The following RASGRF1 variants were observed in gnomAD, a reference collection of about 807,000 sequenced individuals.
RASGRF1 encodes the protein Ras protein specific guanine nucleotide releasing factor 1.
A neutral mutation model predicts 138.7 loss-of-function variants in RASGRF1; 40 were observed. The observed-to-expected ratio is 0.29, with a 90% CI of 0.22 to 0.38. RASGRF1 has a LOEUF of 0.38. Among genes scored for constraint, RASGRF1 ranks in the 10% least tolerant of loss-of-function variants. The pLI, the probability that RASGRF1 is intolerant of heterozygous loss-of-function variation, is 1.00. For missense variants in RASGRF1, 1,108 were observed against 1,650.4 expected (o/e 0.67, Z 5.69); for synonymous variants, 614 against 663.2 (o/e 0.93, Z 1.14).
intron 23 of RASGRF1, among the ~76,000 whole-genome samples, chr15:78,984,029 T>C (rs2056094312): frequency 6.6e-6 from 1 of 152,130 alleles, no homozygotes. Context: ...GGGAGGATTA[T>C]GGACATGTCG....
intron 9 of RASGRF1, among the ~76,000 whole-genome samples, chr15:79,025,707 G>A (rs1240771609): frequency 6.6e-6 from 1 of 152,118 alleles, no homozygotes; most frequent in Non-Finnish European, 1.5e-5. Flanking sequence ...TCCCAGCCAG[G>A]GGCTAGGGGC....
Position 78,977,397 on chromosome 15 carries a change from G to A in RASGRF1, c.3494+3223C>T, listed in dbSNP as rs573327692. 2.6e-5 allele frequency among the ~76,000 whole-genome samples: 4 copies of A among 152,230 alleles called. No homozygotes were observed. The East Asian group carries it at 7.7e-4, about 29-fold the overall frequency. ...CCAGGGTCCAAGGTTCTGGCACGAG[G>A]TACAGGGTGATCAGGTAAGTAGTCT... On this transcript the variant is annotated intron_variant, in intron 24 of 26. Transcript: ENST00000558480.
rs1307806870 is a variant in RASGRF1, at chr15:79,020,192, T to C, written c.1543-88A>G. The C allele has an allele frequency of 2.4e-6, 3 of 1,230,274 alleles. No individual in the cohort carries two copies. In the Admixed American group the frequency reaches 5.2e-5, roughly 21 times the overall value. 76.2% of individuals were successfully genotyped at this position (1,230,274 alleles called of 1,614,324 possible). A position where few individuals can be genotyped will look rare whatever the true frequency, so the allele number is the denominator to read the frequency against. On this transcript the variant is annotated intron_variant, in intron 10 of 26. Coordinates refer to ENST00000558480, the MANE Select transcript of RASGRF1 (RefSeq NM_001145648.3). The stretch of plus-strand genomic sequence containing the variant: ...TGGATGATAGGGTTGGAGGGGACTT[T>C]AACAAGGAGCATCCATGTATACACA...
At chr15:79,035,446 C>T (rs1040102847) in intron 5 of RASGRF1, among the ~76,000 whole-genome samples, 4 of 152,256 alleles carry the variant, frequency 2.6e-5, no homozygotes, top group African/African-American at 9.6e-5. Context: ...GGTGACAGCA[C>T]AGCATTAAAT....
chr15:79,061,413 A>AAAATATATATATATATATATAT (rs145875273), intron 2 of RASGRF1, among the ~76,000 whole-genome samples: 2 of 117,060 alleles, frequency 1.7e-5, no homozygotes, highest in African/African-American at 3.5e-5. Flanking sequence ...CTATCTTTAA[A>AAAATATATATATATATATATAT]ATATATATAT....
chr15:79,004,188 C>T lies in RASGRF1; in HGVS notation c.2076-13G>A, dbSNP rs770393348. On this transcript the variant is annotated splice_polypyrimidine_tract_variant and intron_variant, in intron 14 of 26. Transcript: ENST00000558480. ...GAGCTCCAGCGACCTGTGGGGAGGG[C>T]GGGGGTGAAAATGACAGTTAGCGTA... The T allele has an allele frequency of 1.4e-5, 21 of 1,548,116 alleles. No individual in the cohort carries two copies. Among genetic ancestry groups the T allele is most frequent in the East Asian group, 4.5e-5 (2 of 44,130 alleles).
In RASGRF1 at chr15:78,978,518, C is replaced by T. The variant is rs1040733587; in HGVS notation, c.3494+2102G>A. 4.1e-6 allele frequency: 4 copies of T among 985,074 alleles called. No individual in the cohort carries two copies. The African/African-American group carries it at 5.2e-5, about 13-fold the overall frequency. 61.0% of individuals were successfully genotyped at this position (985,074 alleles called of 1,614,324 possible). On this transcript the variant is annotated intron_variant, in intron 24 of 26. Transcript: ENST00000558480. Reference sequence around the variant, plus strand: ...GGGATTATAGGCATGAGCCACTGTGCCTAGCCCGAATTGGATATCTTAATG... The same window carrying T: ...GGGATTATAGGCATGAGCCACTGTGTCTAGCCCGAATTGGATATCTTAATG...
Position 78,999,723 on chromosome 15 carries a change from G to A in RASGRF1, c.2746+20C>T. The A allele has an allele frequency of 2.5e-6, 4 of 1,609,760 alleles. No homozygotes were observed. The highest frequency in any genetic ancestry group is 3.4e-6 in the Non-Finnish European group (4 of 1,177,338). Reference sequence around the variant, plus strand: ...GCTGACCATGGGGAGGACCCTGTGAGTGGAGAACACCCCACATACCTGCAC... The same window carrying A: ...GCTGACCATGGGGAGGACCCTGTGAATGGAGAACACCCCACATACCTGCAC... On this transcript the variant is annotated intron_variant, in intron 17 of 26. Coordinates refer to ENST00000558480, the MANE Select transcript of RASGRF1 (RefSeq NM_001145648.3).
intron 3 of RASGRF1, among the ~76,000 whole-genome samples, chr15:79,054,984 T>C (rs2057491054): frequency 6.6e-6 from 1 of 151,826 alleles, no homozygotes; most frequent in East Asian, 1.9e-4. Context: ...ACTATGAGAG[T>C]GTAGGGCCAT....
chr15:78,992,037 T>C (rs7172300), intron 20 of RASGRF1, among the ~76,000 whole-genome samples: 152,028 of 152,278 alleles, frequency 1, 75,889 homozygotes, highest in Middle Eastern at 1. Context: ...GTGCTCGGAC[T>C]GCCCTCACCC....
Position 79,013,837 on chromosome 15 carries a change from T to C in RASGRF1, c.1826+1490A>G, listed in dbSNP as rs561021498. ...GAGCTGCGTTTAGTAGGACATTGTC[T>C]CTGGGGATTGTTCAAACAAACACAG... On this transcript the variant is annotated intron_variant, in intron 13 of 26. Transcript: ENST00000558480. 4.0e-3 allele frequency among the ~76,000 whole-genome samples: 612 copies of C among 152,318 alleles called. 2 individuals are homozygous for C. The highest frequency in any genetic ancestry group is 4.1e-3 in the South Asian group (20 of 4,824).
Position 79,004,971 on chromosome 15 carries a change from C to G in RASGRF1, c.2076-796G>C, listed in dbSNP as rs2056638271. 1.8e-5 allele frequency: 18 copies of G among 985,428 alleles called. No homozygotes were observed. In the South Asian group the frequency reaches 7.0e-4, roughly 39 times the overall value. The allele number at this position is 985,428 out of a possible 1,614,324, so 61.0% of individuals were successfully genotyped here. A position where few individuals can be genotyped will look rare whatever the true frequency, so the allele number is the denominator to read the frequency against. ...TCAGCCAAGGCCATAGGGCTGAGAG[C>G]TGGCTCTGAACCAGCCTCTTTGTTC... is the stretch of plus-strand genomic sequence containing the variant. On this transcript the variant is annotated intron_variant, in intron 14 of 26. Transcript: ENST00000558480.
chr15:79,058,333 C>T lies in RASGRF1; in HGVS notation c.531+1G>A. ...GGGCCCACCCCCCAGCCCGCAGTCA[C>T]CTCTGCCTTCAGCCGCTCGATCTCG... On this transcript the variant is annotated splice_donor_variant, in intron 3 of 26. Transcript: ENST00000558480. LOFTEE classifies it high-confidence loss of function. 1 of 1,612,850 alleles carries T rather than the reference C, an allele frequency of 6.2e-7. No individual in the cohort carries two copies. Among genetic ancestry groups the T allele is most frequent in the Non-Finnish European group, 8.5e-7 (1 of 1,179,898 alleles).
chr15:79,006,531 C>G lies in RASGRF1; in HGVS notation c.1827-97G>C. On this transcript the variant is annotated intron_variant, in intron 13 of 26. Coordinates refer to ENST00000558480, the MANE Select transcript of RASGRF1 (RefSeq NM_001145648.3). This position sits in a 1 kb window ranked among gnomAD's most constrained non-coding sequence, Gnocchi z 4.0. ...CATCACTGCTTCCCCCACACACTGA[C>G]AACACAGGATGGTCTTATTAAGAGA... is the stretch of plus-strand genomic sequence containing the variant. 7.1e-7 allele frequency: 1 copy of G among 1,416,478 alleles called. No homozygotes were observed. Among genetic ancestry groups the G allele is most frequent in the Non-Finnish European group, 9.6e-7 (1 of 1,042,232 alleles). The allele number at this position is 1,416,478 out of a possible 1,614,324, so 87.7% of individuals were successfully genotyped here. A position where few individuals can be genotyped will look rare whatever the true frequency, so the allele number is the denominator to read the frequency against.
At chr15:79,066,589 C>G (rs2057684082) in intron 1 of RASGRF1, among the ~76,000 whole-genome samples, 2 of 152,236 alleles carry the variant, frequency 1.3e-5, no homozygotes, top group South Asian at 4.1e-4. Flanking sequence ...CCAGGGGACT[C>G]AGAGCTGCAT....
rs1196501736 is a variant in RASGRF1, at chr15:79,031,612, G to A, written c.1153-103C>T. ...GGAGTGAGCAAGAGAGAGAGAGAAA[G>A]AGGGAGAGGGAGAGGGAGAGGAAGG... On this transcript the variant is annotated intron_variant, in intron 7 of 26. Coordinates refer to ENST00000558480, the MANE Select transcript of RASGRF1 (RefSeq NM_001145648.3). The A allele has an allele frequency of 1.7e-5, 6 of 344,082 alleles. No individual in the cohort carries two copies. In the East Asian group the frequency reaches 2.7e-4, roughly 15 times the overall value. The allele number at this position is 344,082 out of a possible 1,614,324, so 21.3% of individuals were successfully genotyped here.
intron 13 of RASGRF1, among the ~76,000 whole-genome samples, chr15:79,010,759 T>A (rs1022536589): frequency 6.6e-6 from 1 of 152,188 alleles, no homozygotes; most frequent in South Asian, 2.1e-4. Context: ...TACCTGCTCT[T>A]GAGGCCACAT....
intron 16 of RASGRF1, 70 bp from the exon 17 acceptor site, chr15:78,999,983 G>A: frequency 3.9e-6 from 6 of 1,534,022 alleles, no homozygotes; most frequent in South Asian, 3.4e-5. Context: ...GAAAACCAGG[G>A]GTCCCGAGGC....
At chr15:78,962,292 G>A in intron 26 of RASGRF1, 56 bp from the exon 27 acceptor site, 1 of 1,232,640 alleles carries the variant, frequency 8.1e-7, no homozygotes, top group Non-Finnish European at 1.2e-6. Flanking sequence ...CCATAGTACT[G>A]ATTGTGGATG....
Sources: allele counts gnomAD v4.1 joint callset (sites outside exome capture counted in the v4.1 genomes callset), GRCh38; gene constraint gnomAD v4.1.1; non-coding constraint Gnocchi (gnomAD v3.1); transcripts MANE v1.5; gene names NCBI Gene and HGNC (gene_info 2026-07-23, HGNC 2026-07-21).